TBKBP1: variants seen among roughly 807,000 people sequenced by gnomAD.
The protein encoded by TBKBP1 is TBK1 binding protein 1.
In TBKBP1, 47 loss-of-function variants were observed where a neutral mutation model predicts 69.9. That is an observed-to-expected ratio of 0.67 (90% CI 0.53 to 0.86). The LOEUF is 0.86. TBKBP1 is among the 40% of genes least tolerant of loss of function. The pLI is 0.00. For missense variants in TBKBP1, 831 were observed against 858.6 expected (o/e 0.97, Z 0.40); for synonymous variants, 418 against 390.3 (o/e 1.07, Z -0.84).
rs1180588341 is a variant in TBKBP1, at chr17:47,710,825, C to G, written c.*199C>G. 1.5e-6 allele frequency: 1 copy of G among 681,178 alleles called. No homozygotes were observed. Among genetic ancestry groups the G allele is most frequent in the Non-Finnish European group, 2.3e-6 (1 of 442,622 alleles). The allele number at this position is 681,178 out of a possible 1,614,324, so 42.2% of individuals were successfully genotyped here. A position where few individuals can be genotyped will look rare whatever the true frequency, so the allele number is the denominator to read the frequency against. Reference sequence around the variant, plus strand: ...CTCTGGCTCTTCCTGGGAGGTCAGCCGAGGCTCCCCCCATGCTCCTGGTTT... The same window carrying G: ...CTCTGGCTCTTCCTGGGAGGTCAGCGGAGGCTCCCCCCATGCTCCTGGTTT... On this transcript the variant is annotated 3_prime_UTR_variant, in exon 10 of 10. Transcript: ENST00000578982.
chr17:47,707,820 A>T (rs2143344805), intron 7 of TBKBP1, among the ~76,000 whole-genome samples: 1 of 152,326 alleles, frequency 6.6e-6, no homozygotes, highest in Non-Finnish European at 1.5e-5. Context: ...CCAGCCAGGA[A>T]ACCATCTTCA....
Position 47,708,873 on chromosome 17 carries a change from G to A in TBKBP1, c.1140G>A (p.Pro380=). 7 of 1,401,086 alleles carry A rather than the reference G, an allele frequency of 5.0e-6. No homozygotes were observed. Among genetic ancestry groups the A allele is most frequent in the South Asian group, 1.4e-5 (1 of 72,116 alleles). The allele number at this position is 1,401,086 out of a possible 1,614,324, so 86.8% of individuals were successfully genotyped here. A position where few individuals can be genotyped will look rare whatever the true frequency, so the allele number is the denominator to read the frequency against. ...CTCCCGTGCCCCCGTGCCCCTCGCC[G>A]CAGCAGCGCCGCTCTCCGGCCTCAC... ...RRSPVPPCPS[P]QQRRSPASPS... Residue 380 remains proline (P), a synonymous_variant, in exon 9 of 10, where the codon CCG becomes CCA. Transcript: ENST00000578982. The surrounding 1 kb of genome is among the most constrained non-coding windows in gnomAD (Gnocchi z 4.4).
Position 47,708,984 on chromosome 17 carries a change from G to GC in TBKBP1, c.1257dup (p.Ser420GlnfsTer45). 3 of 1,125,972 alleles carry GC rather than the reference G, an allele frequency of 2.7e-6. No homozygotes were observed. Among genetic ancestry groups the GC allele is most frequent in the East Asian group, 5.4e-5 (1 of 18,690 alleles). 69.7% of individuals were successfully genotyped at this position (1,125,972 alleles called of 1,614,324 possible). On this transcript the variant is annotated frameshift_variant, in exon 9 of 10. Transcript: ENST00000578982. LOFTEE classifies it high-confidence loss of function. The surrounding 1 kb of genome is among the most constrained non-coding windows in gnomAD (Gnocchi z 4.4). ...CCAGCCCGCAGCGCCGTTCCCCGGT[G>GC]CCCCCCAGCTGCCCGGCCCCGCAGC...
At chr17:47,707,670 C>T (rs1295936497) in intron 7 of TBKBP1, among the ~76,000 whole-genome samples, 1 of 152,270 alleles carries the variant, frequency 6.6e-6, no homozygotes, top group African/African-American at 2.4e-5. Context: ...AGTGTTAAGG[C>T]CCTGGTGGAG....
intron 7 of TBKBP1, among the ~76,000 whole-genome samples, chr17:47,705,652 T>G (rs992253366): frequency 6.6e-6 from 1 of 152,194 alleles, no homozygotes; most frequent in Non-Finnish European, 1.5e-5. Flanking sequence ...GTGCAACTCT[T>G]GGTTGTGTTG....
At position 47,708,571 on chromosome 17, in the gene TBKBP1, A is replaced by G; in HGVS notation, c.991+59A>G. On this transcript the variant is annotated intron_variant, in intron 8 of 9. Transcript: ENST00000578982. This position sits in a 1 kb window ranked among gnomAD's most constrained non-coding sequence, Gnocchi z 4.4. ...GGGACCCGGGAAGGAGCGGGTAGCC[A>G]TGGCAACCATCTTGGTCATGGGGAC... 1 of 1,582,182 alleles carries G rather than the reference A, an allele frequency of 6.3e-7. No individual in the cohort carries two copies. Among genetic ancestry groups the G allele is most frequent in the South Asian group, 1.1e-5 (1 of 89,808 alleles).
At position 47,709,408 on chromosome 17, in the gene TBKBP1, G is replaced by GCCT. The variant is rs2031840853; in HGVS notation, c.1676_1678dup (p.Ala559_Tyr560insSer). ...CATCCCCGAGTCGCCCGCCGCCACC[G>GCCT]CCTACGCCCACGCCGAGCACGCGCA... On this transcript the variant is annotated inframe_insertion, in exon 9 of 10. Coordinates refer to ENST00000578982, the MANE Select transcript of TBKBP1 (RefSeq NM_001394755.1). 3 of 1,539,738 alleles carry GCCT rather than the reference G, an allele frequency of 1.9e-6. No individual in the cohort carries two copies. Among genetic ancestry groups the GCCT allele is most frequent in the Non-Finnish European group, 2.6e-6 (3 of 1,151,104 alleles).
chr17:47,709,117 T>C lies in TBKBP1; in HGVS notation c.1384T>C (p.Tyr462His). The C allele has an allele frequency of 7.3e-7, 1 of 1,370,304 alleles. No individual in the cohort carries two copies. Among genetic ancestry groups the C allele is most frequent in the Non-Finnish European group, 9.4e-7 (1 of 1,068,464 alleles). The allele number at this position is 1,370,304 out of a possible 1,614,324, so 84.9% of individuals were successfully genotyped here. Residue 462 changes from tyrosine (Y) to histidine (H), a missense_variant, in exon 9 of 10, where the codon TAC becomes CAC. Coordinates refer to ENST00000578982, the MANE Select transcript of TBKBP1 (RefSeq NM_001394755.1). ...GGCCGGCTTCCAGGGCCGCCGCAGC[T>C]ACTCTGAGCTGGCGGAGGGCGCGGC... ...VKAGFQGRRS[Y>H]SELAEGAAYA...
chr17:47,698,962 G>C (rs908884914), intron 5 of TBKBP1, among the ~76,000 whole-genome samples, 187 bp downstream of exon 5: 3 of 151,680 alleles, frequency 2.0e-5, no homozygotes, highest in African/African-American at 7.3e-5. Flanking sequence ...CTTCTAACTC[G>C]GTCATTCCTG....
chr17:47,696,378 G>A (rs779635157), intron 2 of TBKBP1, 41 bp downstream of exon 2: 8 of 1,590,730 alleles, frequency 5.0e-6, no homozygotes, highest in East Asian at 2.2e-5. Flanking sequence ...GAGTGTATGG[G>A]ATGGGGAGGG....
chr17:47,704,076 G>A (rs1275251817), intron 7 of TBKBP1, among the ~76,000 whole-genome samples: 1 of 152,182 alleles, frequency 6.6e-6, no homozygotes, highest in Non-Finnish European at 1.5e-5. Context: ...TAATTATGCT[G>A]GGGCAACTAG....
In TBKBP1 at chr17:47,699,310, C is replaced by T; in HGVS notation, c.635-10C>T. ...CTGAGCTCGCCTGACGTTGTCCTGTCCACCGACAGCAGGCTGGCCGGGCTC... is the reference window on the plus strand; with the variant it reads ...CTGAGCTCGCCTGACGTTGTCCTGTTCACCGACAGCAGGCTGGCCGGGCTC... On this transcript the variant is annotated splice_polypyrimidine_tract_variant and intron_variant, in intron 5 of 9. Transcript: ENST00000578982. 6.6e-7 allele frequency: 1 copy of T among 1,516,924 alleles called. No individual in the cohort carries two copies. Among genetic ancestry groups the T allele is most frequent in the Non-Finnish European group, 8.8e-7 (1 of 1,138,670 alleles). 94.0% of individuals were successfully genotyped at this position (1,516,924 alleles called of 1,614,324 possible).
At position 47,696,210 on chromosome 17, in the gene TBKBP1, G is replaced by T; in HGVS notation, c.98G>T (p.Gly33Val). ...WLDSPGDPSLGGDMCSASHFA... is the reference protein window; with the variant it reads ...WLDSPGDPSLVGDMCSASHFA... ...GACAGTCCCGGAGACCCCTCGCTTGGGGGCGACATGTGCTCCGCCTCCCAC... is the reference window on the plus strand; with the variant it reads ...GACAGTCCCGGAGACCCCTCGCTTGTGGGCGACATGTGCTCCGCCTCCCAC... The change falls in exon 2 of 10, where the codon GGG (glycine) becomes GTG (valine). Residue 33 changes from glycine to valine, a missense_variant. Physicochemically the swap from Gly to Val is moderately radical, Grantham distance 109 (BLOSUM62 -3). Coordinates refer to ENST00000578982, the MANE Select transcript of TBKBP1 (RefSeq NM_001394755.1). 1.2e-6 allele frequency: 2 copies of T among 1,613,730 alleles called. No homozygotes were observed. The highest frequency in any genetic ancestry group is 1.7e-6 in the Non-Finnish European group (2 of 1,179,874).
chr17:47,701,415 T>C (rs2031500108), intron 7 of TBKBP1, among the ~76,000 whole-genome samples: 1 of 151,968 alleles, frequency 6.6e-6, no homozygotes, highest in Admixed American at 6.6e-5. Context: ...CAATCCTAGC[T>C]TGCCCCAGAA....
intron 9 of TBKBP1, 44 bp from the exon 10 acceptor site, chr17:47,710,454 G>T: frequency 1.3e-6 from 2 of 1,583,270 alleles, no homozygotes; most frequent in Non-Finnish European, 8.6e-7. Flanking sequence ...GGGGACCATG[G>T]GTGGGGGCTG....
rs757459607 is a variant in TBKBP1 at position 47,709,302 on chromosome 17, G to C, written c.1569G>C (p.Glu523Asp). 2.6e-6 allele frequency: 4 copies of C among 1,529,244 alleles called. No individual in the cohort carries two copies. The highest frequency in any genetic ancestry group is 3.9e-5 in the Admixed American group (2 of 51,258). 94.7% of individuals were successfully genotyped at this position (1,529,244 alleles called of 1,614,324 possible). ...RLRFEKQPSE[E>D]DEWAVPTSPP... ...GCTTCGAGAAGCAGCCGTCGGAGGA[G>C]GACGAGTGGGCTGTGCCCACCAGCC... The change falls in exon 9 of 10, where the codon GAG becomes GAC. Residue 523 changes from glutamate (E) to aspartate (D), a missense_variant. Physicochemically the swap from Glu to Asp is conservative, Grantham distance 45 (BLOSUM62 2). Transcript: ENST00000578982.
chr17:47,710,566 G>C lies in TBKBP1; in HGVS notation c.1788G>C (p.Gly596=), dbSNP rs979029477. 3 of 1,612,440 alleles carry C rather than the reference G, an allele frequency of 1.9e-6. No individual in the cohort carries two copies. The highest frequency in any genetic ancestry group is 2.5e-6 in the Non-Finnish European group (3 of 1,179,038). ...TCTGCCAGCTGGGTTTCCCTGTCGG[G>C]TACCCGGATGATGCCCTCATCAAAC... is the stretch of plus-strand genomic sequence containing the variant. ...CPLCQLGFPV[G]YPDDALIKHI... Residue 596 remains glycine, a synonymous_variant, in exon 10 of 10, where the codon GGG becomes GGC. Transcript: ENST00000578982.
Position 47,708,769 on chromosome 17 carries a change from CA to C in TBKBP1, c.1037del (p.Gln346ArgfsTer107). On this transcript the variant is annotated frameshift_variant, in exon 9 of 10. Coordinates refer to ENST00000578982, the MANE Select transcript of TBKBP1 (RefSeq NM_001394755.1). LOFTEE classifies it high-confidence loss of function. This position sits in a 1 kb window ranked among gnomAD's most constrained non-coding sequence, Gnocchi z 4.4. ...GTCACAACGCCACTCCCCGGCCCCC[CA>C]GTGCCCCTCCCCCTCCCCGCCTGCC... The part of the protein sequence containing the change: ...PLSQRHSPAP[Q>X]CPSPSPPARA... The C allele has an allele frequency of 1.8e-6, 2 of 1,107,122 alleles. No individual in the cohort carries two copies. The highest frequency in any genetic ancestry group is 2.6e-6 in the Non-Finnish European group (2 of 781,838). The allele number at this position is 1,107,122 out of a possible 1,614,324, so 68.6% of individuals were successfully genotyped here.
chr17:47,696,961 C>T lies in TBKBP1; in HGVS notation c.348+128C>T, dbSNP rs2031273291. 4.0e-6 allele frequency: 6 copies of T among 1,515,490 alleles called. No individual in the cohort carries two copies. In the South Asian group the frequency reaches 6.3e-5, roughly 16 times the overall value. The allele number at this position is 1,515,490 out of a possible 1,614,324, so 93.9% of individuals were successfully genotyped here. A position where few individuals can be genotyped will look rare whatever the true frequency, so the allele number is the denominator to read the frequency against. ...TAGAGATGGCCAGGTCCTCCCTAAG[C>T]CCAGCTGCAGCTCCTCCTGCCCCTC... On this transcript the variant is annotated intron_variant, in intron 3 of 9. Coordinates refer to ENST00000578982, the MANE Select transcript of TBKBP1 (RefSeq NM_001394755.1).
Sources: gnomAD v4.1 joint callset for allele counts (sites outside exome capture counted in the v4.1 genomes callset) on GRCh38, gnomAD v4.1.1 for gene constraint, Gnocchi (gnomAD v3.1) non-coding constraint, MANE v1.5 for transcripts, NCBI Gene and HGNC (gene_info 2026-07-23, HGNC 2026-07-21) for gene names.